Variants in TIAM1 observed in about 807,000 individuals in gnomAD.
The protein encoded by TIAM1 is rho guanine nucleotide exchange factor TIAM1.
In TIAM1, 65 loss-of-function variants were observed where a neutral mutation model predicts 163.5. That is an observed-to-expected ratio of 0.40 (90% CI 0.33 to 0.49). TIAM1 has a LOEUF of 0.49. Ranked by LOEUF, TIAM1 falls within the 20% of genes least tolerant of loss-of-function variation. The pLI is 0.77. For missense variants in TIAM1, 1,789 were observed against 2,044.7 expected (o/e 0.87, Z 2.41); for synonymous variants, 833 against 810.1 (o/e 1.03, Z -0.48).
chr21:31,410,394 G>A (rs543572692), intron 2 of TIAM1, among the ~76,000 whole-genome samples: 8 of 151,836 alleles, frequency 5.3e-5, no homozygotes, highest in African/African-American at 1.2e-4. Context: ...GTGACGGTAC[G>A]TAAATGAGAC....
intron 15 of TIAM1, 41 bp from the exon 16 acceptor site, chr21:31,165,106 C>G: frequency 6.3e-7 from 1 of 1,599,440 alleles, no homozygotes; most frequent in Non-Finnish European, 8.5e-7. Flanking sequence ...TCAACATGGA[C>G]AGTAATTGCT....
intron 2 of TIAM1, among the ~76,000 whole-genome samples, chr21:31,353,293 C>A (rs1173083948): frequency 6.6e-6 from 1 of 152,086 alleles, no homozygotes; most frequent in African/African-American, 2.4e-5. Flanking sequence ...TTCAGGTGTA[C>A]CCTCAACTCG....
At chr21:31,254,092 A>G (rs1415455329) in intron 4 of TIAM1, among the ~76,000 whole-genome samples, 1 of 152,234 alleles carries the variant, frequency 6.6e-6, no homozygotes, top group Non-Finnish European at 1.5e-5. Context: ...TCTAAAATGC[A>G]AAGAGGTGAA....
chr21:31,444,090 T>A (rs1282942128), intron 2 of TIAM1, among the ~76,000 whole-genome samples: 1 of 152,152 alleles, frequency 6.6e-6, no homozygotes. Flanking sequence ...AAGTAAAAAA[T>A]TTCATGAAAA....
intron 2 of TIAM1, among the ~76,000 whole-genome samples, chr21:31,325,537 G>A (rs1366919364): frequency 1.3e-5 from 2 of 151,438 alleles, no homozygotes; most frequent in African/African-American, 2.4e-5. Flanking sequence ...GTGTAGTGGC[G>A]CTCACCTGTA....
In TIAM1 at chr21:31,546,234, G is replaced by A. The variant is rs2048484968; in HGVS notation, c.-422+12693C>T. On this transcript the variant is annotated intron_variant, in intron 1 of 28. Transcript: ENST00000286827. ...TGGAATCTTCCAGAAGAATTACCCAGGTAGAAGGAAAAAAAAATGTTAAAA... is the reference window on the plus strand; with the variant it reads ...TGGAATCTTCCAGAAGAATTACCCAAGTAGAAGGAAAAAAAAATGTTAAAA... Among the ~76,000 whole-genome samples, 4 of 140,974 alleles carry A rather than the reference G, an allele frequency of 2.8e-5. No individual in the cohort carries two copies. In the South Asian group the frequency reaches 9.5e-4, roughly 34 times the overall value. The allele number at this position is 140,974 out of a possible 152,430, so 92.5% of individuals were successfully genotyped here. A position where few individuals can be genotyped will look rare whatever the true frequency, so the allele number is the denominator to read the frequency against.
chr21:31,440,362 T>G (rs922097909), intron 2 of TIAM1, among the ~76,000 whole-genome samples: 3 of 152,178 alleles, frequency 2.0e-5, no homozygotes, highest in Admixed American at 2.0e-4. Context: ...TACCTAGTCC[T>G]TAGTGGAATT....
intron 2 of TIAM1, among the ~76,000 whole-genome samples, chr21:31,389,197 A>G (rs1233880735): frequency 6.6e-6 from 1 of 152,064 alleles, no homozygotes; most frequent in Non-Finnish European, 1.5e-5. Flanking sequence ...CCAACCATTT[A>G]TTTTATTATT....
At chr21:31,388,138 C>T (rs189715119) in intron 2 of TIAM1, among the ~76,000 whole-genome samples, 31 of 150,732 alleles carry the variant, frequency 2.1e-4, no homozygotes, top group Non-Finnish European at 3.8e-4. Context: ...TGCAAAACAA[C>T]GAGCCAATTA....
rs879054543 is a variant in TIAM1 at position 31,153,075 on chromosome 21, G to A, written c.3231C>T (p.Thr1077=). ...ACCATTTCCAGCATACCTCATCCTGGGTGAGAAAAGTTTCTTTTTGAAGAG... is the reference window on the plus strand; with the variant it reads ...ACCATTTCCAGCATACCTCATCCTGAGTGAGAAAAGTTTCTTTTTGAAGAG... ...LKPLQKETFL[T]QDELDVLFGN... Residue 1077 remains threonine, a synonymous_variant, in exon 18 of 28, where the codon ACC becomes ACT. Coordinates refer to ENST00000541036, the MANE Select transcript of TIAM1 (RefSeq NM_001353694.2). The A allele has an allele frequency of 1.9e-6, 3 of 1,613,142 alleles. No homozygotes were observed. The highest frequency in any genetic ancestry group is 2.7e-5 in the African/African-American group (2 of 74,840).
chr21:31,170,465 A>C (rs1289373135), intron 15 of TIAM1, among the ~76,000 whole-genome samples: 1 of 152,186 alleles, frequency 6.6e-6, no homozygotes, highest in African/African-American at 2.4e-5. Context: ...CACTGGCAAC[A>C]TTTTTCTTGG....
chr21:31,519,324 A>C (rs936548966), intron 1 of TIAM1, among the ~76,000 whole-genome samples: 1 of 149,410 alleles, frequency 6.7e-6, no homozygotes, highest in Non-Finnish European at 1.5e-5. Context: ...AAAAAAAAAA[A>C]AAAAGAAACC....
At chr21:31,512,644 G>A (rs1318738543) in intron 1 of TIAM1, among the ~76,000 whole-genome samples, 9 of 144,304 alleles carry the variant, frequency 6.2e-5, no homozygotes, top group African/African-American at 2.3e-4. Flanking sequence ...TTGAGACAGG[G>A]TCTCACTCTG....
chr21:31,454,155 G>C (rs1371057602), intron 2 of TIAM1, among the ~76,000 whole-genome samples: 3 of 152,058 alleles, frequency 2.0e-5, no homozygotes, highest in Admixed American at 6.6e-5. Flanking sequence ...GATTGTTTTT[G>C]TCTCCCCCTG....
intron 4 of TIAM1, among the ~76,000 whole-genome samples, chr21:31,255,470 T>C (rs115571312): frequency 0.017 from 2,563 of 152,274 alleles, 70 homozygotes; most frequent in African/African-American, 0.058. Flanking sequence ...CTTCATTGTG[T>C]TGCAAACTTA....
At chr21:31,252,247 G>C in intron 4 of TIAM1, 58 bp from the exon 5 acceptor site, 2 of 1,547,028 alleles carry the variant, frequency 1.3e-6, no homozygotes, top group Non-Finnish European at 1.7e-6. Flanking sequence ...AGGAACCCAG[G>C]GTCACGTGGA....
At chr21:31,127,360 C>G (rs912319262) in intron 25 of TIAM1, among the ~76,000 whole-genome samples, 4 of 151,688 alleles carry the variant, frequency 2.6e-5, no homozygotes, top group Admixed American at 1.3e-4. Flanking sequence ...TGGAAAATTT[C>G]CAGTTGGTAA....
chr21:31,332,286 C>T (rs1269000535), intron 2 of TIAM1, among the ~76,000 whole-genome samples: 1 of 152,158 alleles, frequency 6.6e-6, no homozygotes, highest in Non-Finnish European at 1.5e-5. Context: ...TAATGCAGCA[C>T]TATCAAGCTA....
At chr21:31,448,153 C>T (rs7283879) in intron 2 of TIAM1, among the ~76,000 whole-genome samples, 363 of 152,296 alleles carry the variant, frequency 2.4e-3, no homozygotes, top group African/African-American at 8.0e-3. Context: ...TATCTGACCA[C>T]GTATCTGGGC....
Sources: allele counts gnomAD v4.1 joint callset (sites outside exome capture counted in the v4.1 genomes callset), GRCh38; gene constraint gnomAD v4.1.1; transcripts MANE v1.5; gene names NCBI Gene and HGNC (gene_info 2026-07-23, HGNC 2026-07-21).